Variants in SGCG observed in about 807,000 individuals in gnomAD.
SGCG encodes sarcoglycan gamma, also known as gamma-sarcoglycan.
Under a neutral mutation model 29.3 loss-of-function variants are expected in SGCG, and 26 were observed. The ratio of observed to expected loss-of-function variants is 0.89; its 90% CI spans 0.65 to 1.23. The LOEUF (loss-of-function observed/expected upper bound fraction) is 1.23, where lower values mean the gene tolerates loss of function less well. Ranked by LOEUF, SGCG falls within the 50% of genes most tolerant of loss-of-function variation. SGCG has a pLI of 0.00. For missense variants in SGCG, 353 were observed against 356.0 expected, an observed-to-expected ratio of 0.99 and a Z score of 0.07; for synonymous variants, 145 against 129.7, an observed-to-expected ratio of 1.12 and a Z score of -0.80.
chr13:23,299,452 A>ATTT (rs1433429984), intron 6 of SGCG, among the ~76,000 whole-genome samples: 25 of 43,404 alleles, frequency 5.8e-4, no homozygotes, highest in Non-Finnish European at 7.7e-4. Context: ...ATATATATAT[A>ATTT]TATATTTTTT....
intron 3 of SGCG, among the ~76,000 whole-genome samples, chr13:23,239,044 A>G (rs950250868): frequency 6.6e-6 from 1 of 152,154 alleles, no homozygotes; most frequent in African/African-American, 2.4e-5. Flanking sequence ...GAGAGGACAA[A>G]TATTATTTAA....
intron 4 of SGCG, among the ~76,000 whole-genome samples, chr13:23,259,147 A>C (rs1880322490): frequency 6.6e-6 from 1 of 152,198 alleles, no homozygotes; most frequent in Admixed American, 6.5e-5. Flanking sequence ...CCTCTGGTAG[A>C]ATTTGGCTGT....
chr13:23,311,685 CAT>C (rs1201182423), intron 6 of SGCG, among the ~76,000 whole-genome samples: 1 of 152,212 alleles, frequency 6.6e-6, no homozygotes, highest in African/African-American at 2.4e-5. Flanking sequence ...CCAAACACCT[CAT>C]GTGCGTATTC....
At chr13:23,233,411 T>C (rs926481829) in intron 2 of SGCG, among the ~76,000 whole-genome samples, 3 of 152,226 alleles carry the variant, frequency 2.0e-5, no homozygotes, top group Non-Finnish European at 2.9e-5. Context: ...CTTATAGCCA[T>C]ATACATATAT....
chr13:23,277,721 G>A (rs1467713176), intron 4 of SGCG, among the ~76,000 whole-genome samples: 2 of 142,972 alleles, frequency 1.4e-5, no homozygotes, highest in Non-Finnish European at 3.0e-5. Context: ...TTTTTGGAGA[G>A]GTAGTCTCAC....
chr13:23,297,238 T>A (rs11148732), intron 6 of SGCG, among the ~76,000 whole-genome samples: 1 of 130,236 alleles, frequency 7.7e-6, no homozygotes. Context: ...TTATTTTTTT[T>A]TTTTTTGAGA....
chr13:23,250,679 G>A lies in SGCG; in HGVS notation c.347G>A (p.Arg116His), dbSNP rs17314986. 0.12 allele frequency: 198,481 copies of A among 1,611,016 alleles called. 13,280 individuals are homozygous for A. Among genetic ancestry groups the A allele is most frequent in the Middle Eastern group, 0.16 (985 of 6,062 alleles). ...QSTQNVTVNA[R>H]NSEGEVTGRL... is the part of the protein sequence containing the mutation. The stretch of plus-strand genomic sequence containing the variant: ...ACCCAGAATGTGACTGTAAATGCGC[G>A]CAACTCAGAAGGGGAGGTCACAGGC... Residue 116 changes from arginine to histidine, a missense_variant, in exon 4 of 8, where the codon CGC (arginine) becomes CAC (histidine). Physicochemically the swap from Arg to His is conservative, Grantham distance 29. Transcript: ENST00000218867.
intron 4 of SGCG, among the ~76,000 whole-genome samples, chr13:23,276,010 T>C (rs1023227255): frequency 1.2e-4 from 18 of 152,212 alleles, no homozygotes; most frequent in Non-Finnish European, 2.4e-4. Context: ...ACTTAATTAA[T>C]CAGATCACAA....
chr13:23,307,641 G>T (rs1011345209), intron 6 of SGCG, among the ~76,000 whole-genome samples: 9 of 151,980 alleles, frequency 5.9e-5, no homozygotes, highest in Admixed American at 2.6e-4. Flanking sequence ...TCAATTCAAA[G>T]AAAATATTAG....
chr13:23,283,235 T>C (rs1025777992), intron 5 of SGCG, among the ~76,000 whole-genome samples: 1 of 152,208 alleles, frequency 6.6e-6, no homozygotes, highest in African/African-American at 2.4e-5. Flanking sequence ...TCTCCTACTA[T>C]TATTGTGTGG....
At chr13:23,276,431 C>CTTTTTTTTTTTTTTTTTTTTTTTT (rs71100165) in intron 4 of SGCG, among the ~76,000 whole-genome samples, 48 of 102,378 alleles carry the variant, frequency 4.7e-4, no homozygotes, top group Non-Finnish European at 6.5e-4. Flanking sequence ...TTTTAGTTTT[C>CTTTTTTTTTTTTTTTTTTTTTTTT]TTTTTTTTTT....
At chr13:23,224,949 C>T (rs1878840854) in intron 2 of SGCG, among the ~76,000 whole-genome samples, 1 of 152,064 alleles carries the variant, frequency 6.6e-6, no homozygotes, top group South Asian at 2.1e-4. Flanking sequence ...CATTGCTATG[C>T]TCTTGCCAGT....
intron 6 of SGCG, among the ~76,000 whole-genome samples, chr13:23,316,566 C>T (rs1173919004): frequency 6.6e-6 from 1 of 152,148 alleles, no homozygotes; most frequent in Non-Finnish European, 1.5e-5. Context: ...CTCCAGAAGG[C>T]CGTGTATGCT....
intron 4 of SGCG, among the ~76,000 whole-genome samples, chr13:23,262,853 A>T: frequency 6.6e-6 from 1 of 151,982 alleles, no homozygotes; most frequent in East Asian, 1.9e-4. Context: ...TCCAAAAGAA[A>T]CCCTCAAAAT....
intron 1 of SGCG, among the ~76,000 whole-genome samples, chr13:23,183,207 A>G (rs879298971): frequency 2.5e-4 from 38 of 152,186 alleles, no homozygotes; most frequent in South Asian, 2.1e-4. Context: ...AATTTAGTCT[A>G]TATAAGGCAA....
chr13:23,196,248 G>C (rs535639429), intron 1 of SGCG, among the ~76,000 whole-genome samples: 1 of 152,068 alleles, frequency 6.6e-6, no homozygotes, highest in Non-Finnish European at 1.5e-5. Context: ...ACAGATAATG[G>C]TAAATTAAAG....
chr13:23,224,784 C>G (rs1878833162), intron 2 of SGCG, among the ~76,000 whole-genome samples: 1 of 152,152 alleles, frequency 6.6e-6, no homozygotes, highest in Non-Finnish European at 1.5e-5. Flanking sequence ...GTTTTCAACC[C>G]TAGCTACACA....
chr13:23,320,601 T>C, intron 6 of SGCG, 36 bp from the exon 7 acceptor site: 1 of 1,476,270 alleles, frequency 6.8e-7, no homozygotes, highest in Non-Finnish European at 9.1e-7. Context: ...TTAATACTTT[T>C]TTTTTTTTTT....
intron 3 of SGCG, among the ~76,000 whole-genome samples, chr13:23,237,593 G>A (rs1879357683): frequency 1.3e-5 from 2 of 152,200 alleles, no homozygotes; most frequent in Admixed American, 1.3e-4. Context: ...CAGCATACCT[G>A]AGGGGAGGAG....
Sources: allele counts gnomAD v4.1 joint callset (sites outside exome capture counted in the v4.1 genomes callset), GRCh38; gene constraint gnomAD v4.1.1; transcripts MANE v1.5; gene names NCBI Gene and HGNC (gene_info 2026-07-23, HGNC 2026-07-21).